TBL1XR1: variants seen among roughly 807,000 people sequenced by gnomAD.
TBL1XR1 encodes the protein F-box-like/WD repeat-containing protein TBL1XR1.
Under a neutral mutation model 66.9 loss-of-function variants are expected in TBL1XR1, and 5 were observed. The ratio of observed to expected loss-of-function variants is 0.07; its 90% CI spans 0.04 to 0.16. TBL1XR1 has a LOEUF of 0.16. TBL1XR1 is among the 10% of genes least tolerant of loss of function. TBL1XR1 has a pLI of 1.00. For missense variants in TBL1XR1, 238 were observed against 623.2 expected (o/e 0.38, Z 6.58); for synonymous variants, 210 against 206.0 (o/e 1.02, Z -0.17).
At chr3:177,198,884 A>G (rs2109034682), upstream of TBL1XR1, among the ~76,000 whole-genome samples, 1 of 151,016 alleles carries the variant, frequency 6.6e-6, no homozygotes, top group African/African-American at 2.4e-5. Flanking sequence ...ACACACACAC[A>G]CACACACACA....
At chr3:177,051,785 AT>A in intron 4 of TBL1XR1, 59 bp from the exon 5 acceptor site, 1 of 1,367,750 alleles carries the variant, frequency 7.3e-7, no homozygotes, top group Non-Finnish European at 9.5e-7. Flanking sequence ...AGTTATTTGT[AT>A]TTATACAAAA....
At chr3:177,062,167 T>C (rs1313115708) in intron 3 of TBL1XR1, among the ~76,000 whole-genome samples, 2 of 152,210 alleles carry the variant, frequency 1.3e-5, no homozygotes, top group Non-Finnish European at 2.9e-5. Context: ...AATATACACT[T>C]TCAGTGGCAG....
intron 2 of TBL1XR1, among the ~76,000 whole-genome samples, chr3:177,086,179 C>A (rs1047458306): frequency 6.6e-6 from 1 of 150,744 alleles, no homozygotes; most frequent in Admixed American, 6.7e-5. Context: ...AAGAAACAGG[C>A]AGAATTTATT....
At chr3:177,057,614 C>T (rs1717966488) in intron 3 of TBL1XR1, among the ~76,000 whole-genome samples, 1 of 152,108 alleles carries the variant, frequency 6.6e-6, no homozygotes, top group African/African-American at 2.4e-5. Context: ...TTCCATTTAT[C>T]TGTAAATATA....
chr3:177,109,868 A>C (rs1322597073), intron 1 of TBL1XR1, among the ~76,000 whole-genome samples: 1 of 152,128 alleles, frequency 6.6e-6, no homozygotes, highest in Non-Finnish European at 1.5e-5. Flanking sequence ...AGACAGCAAG[A>C]TACTCAGGAA....
At chr3:177,058,082 T>C (rs918157399) in intron 3 of TBL1XR1, among the ~76,000 whole-genome samples, 2 of 151,956 alleles carry the variant, frequency 1.3e-5, no homozygotes, top group African/African-American at 2.4e-5. Context: ...AATAAGAAAA[T>C]GGACTCTGAA....
rs1055784280 is a variant in TBL1XR1, at chr3:177,049,977, A to G, written c.702+20T>C. On this transcript the variant is annotated intron_variant, in intron 7 of 15. Transcript: ENST00000457928. The stretch of plus-strand genomic sequence containing the variant: ...AGGTATACTAGTAATTATATCCATC[A>G]TGGATATAGTGATACTCACATTCCA... The G allele has an allele frequency of 2.0e-5, 32 of 1,611,916 alleles. No homozygotes were observed. Among genetic ancestry groups the G allele is most frequent in the Non-Finnish European group, 2.6e-5 (31 of 1,179,100 alleles).
rs189662907 is a variant in TBL1XR1, at chr3:177,127,287, T to C, written c.-121-28746A>G. Among the ~76,000 whole-genome samples the C allele has an allele frequency of 5.9e-5, 9 of 152,290 alleles. No homozygotes were observed. In the East Asian group the frequency reaches 7.7e-4, roughly 13 times the overall value. On this transcript the variant is annotated intron_variant, in intron 1 of 15. Coordinates refer to ENST00000457928, the MANE Select transcript of TBL1XR1 (RefSeq NM_024665.7). The stretch of plus-strand genomic sequence containing the variant: ...TAACATCATATAAAACAGCACAGAA[T>C]TGCAACATCTTAAAAGTGTTTAAAA...
intron 1 of TBL1XR1, among the ~76,000 whole-genome samples, chr3:177,180,286 GAGAT>G (rs1206450999): frequency 7.1e-6 from 1 of 141,550 alleles, no homozygotes; most frequent in East Asian, 2.1e-4. Context: ...ACAGAGCCCA[GAGAT>G]ACAAAAGATT....
intron 14 of TBL1XR1, among the ~76,000 whole-genome samples, chr3:177,030,014 C>T (rs180694383): frequency 9.2e-4 from 140 of 152,036 alleles, no homozygotes; most frequent in African/African-American, 2.8e-3. Flanking sequence ...GGTGTATGCA[C>T]GTTGAAGAGC....
chr3:177,179,110 T>A (rs1217046871), intron 1 of TBL1XR1, among the ~76,000 whole-genome samples: 1 of 91,324 alleles, frequency 1.1e-5, no homozygotes, highest in Admixed American at 1.4e-4. Context: ...AGAGCGAAAC[T>A]ACGTCTCAAA....
intron 1 of TBL1XR1, among the ~76,000 whole-genome samples, chr3:177,121,047 T>C (rs1726923007): frequency 6.6e-6 from 1 of 152,204 alleles, no homozygotes; most frequent in South Asian, 2.1e-4. Flanking sequence ...TACAATTCCT[T>C]TCTAAGAGCC....
chr3:177,167,353 G>A (rs1243559222), intron 1 of TBL1XR1, among the ~76,000 whole-genome samples: 1 of 152,176 alleles, frequency 6.6e-6, no homozygotes, highest in Non-Finnish European at 1.5e-5. Context: ...AATAGGTGAA[G>A]CACAAAAAAT....
intron 7 of TBL1XR1, among the ~76,000 whole-genome samples, chr3:177,049,709 T>C (rs1716793205): frequency 6.6e-6 from 1 of 152,214 alleles, no homozygotes; most frequent in Admixed American, 6.5e-5. Context: ...ATTTTCACAC[T>C]TCTACTTGAC....
chr3:177,162,731 G>A (rs762947333), intron 1 of TBL1XR1, among the ~76,000 whole-genome samples: 1 of 152,194 alleles, frequency 6.6e-6, no homozygotes, highest in African/African-American at 2.4e-5. Context: ...TTTGCCTTAT[G>A]TAAATTACAG....
intron 7 of TBL1XR1, among the ~76,000 whole-genome samples, chr3:177,049,756 A>G (rs1264017758): frequency 2.0e-5 from 3 of 152,192 alleles, no homozygotes; most frequent in African/African-American, 7.2e-5. Context: ...AAAAGTAACA[A>G]TTTAACCAAG....
At chr3:177,125,111 C>T (rs1333849251) in intron 1 of TBL1XR1, among the ~76,000 whole-genome samples, 1 of 151,664 alleles carries the variant, frequency 6.6e-6, no homozygotes, top group Non-Finnish European at 1.5e-5. Context: ...TTTCAAAAGA[C>T]AACATCAAGA....
intron 1 of TBL1XR1, among the ~76,000 whole-genome samples, chr3:177,128,214 G>T (rs781193164): frequency 6.6e-6 from 1 of 151,622 alleles, no homozygotes; most frequent in Non-Finnish European, 1.5e-5. Context: ...ACAAGACTCC[G>T]TCTCAGGAAA....
Position 177,129,250 on chromosome 3 carries a change from C to T in TBL1XR1, c.-121-30709G>A, listed in dbSNP as rs144839555. Among the ~76,000 whole-genome samples the T allele has an allele frequency of 1.4e-3, 217 of 152,280 alleles. 1 individual carries two copies. The highest frequency in any genetic ancestry group is 5.1e-3 in the African/African-American group (211 of 41,550). ...GACTAGATGAAGAAAACAATTACAA[C>T]TCATATCTGAGACAATCAGCTTCCT... On this transcript the variant is annotated intron_variant, in intron 1 of 15. Transcript: ENST00000457928.
Sources: gnomAD v4.1 joint callset for allele counts (sites outside exome capture counted in the v4.1 genomes callset) on GRCh38, gnomAD v4.1.1 for gene constraint, MANE v1.5 for transcripts, NCBI Gene and HGNC (gene_info 2026-07-23, HGNC 2026-07-21) for gene names.